The following CYYR1 variants were observed in gnomAD, a reference collection of about 807,000 sequenced individuals.
The protein encoded by CYYR1 is cysteine and tyrosine rich 1, also known as cysteine and tyrosine-rich protein 1.
In CYYR1, 14 loss-of-function variants were observed where a neutral mutation model predicts 15.2. The ratio of observed to expected loss-of-function variants is 0.92; its 90% CI spans 0.61 to 1.44. CYYR1 has a LOEUF of 1.44. Ranked by LOEUF, CYYR1 falls within the 40% of genes most tolerant of loss-of-function variation. The probability of loss-of-function intolerance (pLI) is 0.00; values close to 1 mark genes in which losing one functional copy is unlikely to be tolerated. For synonymous variants in CYYR1, 80 were observed against 77.4 expected, an observed-to-expected ratio of 1.03 and a Z score of -0.18; for missense variants, 228 against 209.5, an observed-to-expected ratio of 1.09 and a Z score of -0.54.
Position 26,573,149 on chromosome 21 carries a change from C to G in CYYR1, c.-209G>C, listed in dbSNP as rs996675405. On this transcript the variant is annotated 5_prime_UTR_variant, in exon 1 of 4. Transcript: ENST00000652641. ...CGGGACTCCGCGGAGCTGGGGCGCC[C>G]GTGGCCCGAGACGGGCTGCGCTGGG... is the stretch of plus-strand genomic sequence containing the variant. 6.7e-6 allele frequency: 10 copies of G among 1,489,768 alleles called. No homozygotes were observed. In the African/African-American group the frequency reaches 1.4e-4, roughly 21 times the overall value. 92.3% of individuals were successfully genotyped at this position (1,489,768 alleles called of 1,614,324 possible).
At position 26,468,007 on chromosome 21, in the gene CYYR1, A is replaced by G. The variant is rs1332646344; in HGVS notation, c.*494T>C. 1 of 170,450 alleles carries G rather than the reference A, an allele frequency of 5.9e-6. No individual in the cohort carries two copies. Among genetic ancestry groups the G allele is most frequent in the Non-Finnish European group, 1.3e-5 (1 of 78,094 alleles). The allele number at this position is 170,450 out of a possible 1,614,324, so 10.6% of individuals were successfully genotyped here. The stretch of plus-strand genomic sequence containing the variant: ...TGTAACTTCCATCAGGACCTCAAAC[A>G]GTGCTAGGCACATAGTAAACTCTTA... On this transcript the variant is annotated 3_prime_UTR_variant, in exon 4 of 4. Transcript: ENST00000652641.
At chr21:26,508,114 G>A (rs369590476) in intron 2 of CYYR1, among the ~76,000 whole-genome samples, 47 of 152,162 alleles carry the variant, frequency 3.1e-4, no homozygotes, top group East Asian at 7.7e-4. Context: ...GTTAGAGAAG[G>A]CAAGAAAATA....
At chr21:26,544,430 T>A (rs1287808334) in intron 2 of CYYR1, among the ~76,000 whole-genome samples, 2 of 152,236 alleles carry the variant, frequency 1.3e-5, no homozygotes, top group African/African-American at 4.8e-5. Flanking sequence ...GATTTTAGCA[T>A]ACTGACTCAT....
chr21:26,571,036 G>A (rs1200958220), intron 1 of CYYR1, among the ~76,000 whole-genome samples: 1 of 152,158 alleles, frequency 6.6e-6, no homozygotes, highest in East Asian at 1.9e-4. Context: ...CCAGCAGTAA[G>A]ACTTTCTTCT....
chr21:26,550,989 G>A (rs1979344807), intron 2 of CYYR1: 1 of 152,562 alleles, frequency 6.6e-6, no homozygotes, highest in African/African-American at 2.4e-5. Flanking sequence ...CAAAGAACAG[G>A]GTGACTCTCT....
chr21:26,484,381 T>C (rs777450080), intron 2 of CYYR1, among the ~76,000 whole-genome samples: 2 of 152,116 alleles, frequency 1.3e-5, no homozygotes, highest in Non-Finnish European at 2.9e-5. Flanking sequence ...CATACAAAAA[T>C]AGAATGCCAT....
chr21:26,471,173 C>T (rs1285202448), intron 3 of CYYR1: 3 of 152,210 alleles, frequency 2.0e-5, no homozygotes, highest in Non-Finnish European at 2.9e-5. Context: ...TTATAACAAA[C>T]TTCATCCAAG....
At chr21:26,512,351 A>C (rs2065660013) in intron 2 of CYYR1, among the ~76,000 whole-genome samples, 1 of 151,906 alleles carries the variant, frequency 6.6e-6, no homozygotes. Context: ...GGCGCATGCC[A>C]CCATGCCTGG....
chr21:26,482,448 A>C, intron 2 of CYYR1: 1 of 985,296 alleles, frequency 1.0e-6, no homozygotes, highest in African/African-American at 1.7e-5. Flanking sequence ...ACAGCAACTA[A>C]GACTACTGGT....
At chr21:26,550,933 G>A (rs2123683881) in intron 2 of CYYR1, 1 of 152,612 alleles carries the variant, frequency 6.6e-6, no homozygotes, top group African/African-American at 2.4e-5. Context: ...CACCATCTAG[G>A]ACTTTCATAG....
At chr21:26,540,909 T>C (rs1357551959) in intron 2 of CYYR1, among the ~76,000 whole-genome samples, 2 of 152,102 alleles carry the variant, frequency 1.3e-5, no homozygotes, top group Non-Finnish European at 2.9e-5. Context: ...TTGTGATGAA[T>C]GGATATACAG....
At chr21:26,481,261 T>C (rs2065176564) in intron 2 of CYYR1, among the ~76,000 whole-genome samples, 1 of 152,102 alleles carries the variant, frequency 6.6e-6, no homozygotes, top group African/African-American at 2.4e-5. Flanking sequence ...TAAGGAAATG[T>C]AGCACATAAG....
rs902186851 is a variant in CYYR1 at position 26,468,214 on chromosome 21, A to T, written c.*287T>A. 1 of 399,984 alleles carries T rather than the reference A, an allele frequency of 2.5e-6. No homozygotes were observed. The highest frequency in any genetic ancestry group is 3.8e-5 in the Admixed American group (1 of 26,402). The allele number at this position is 399,984 out of a possible 1,614,324, so 24.8% of individuals were successfully genotyped here. A position where few individuals can be genotyped will look rare whatever the true frequency, so the allele number is the denominator to read the frequency against. ...CTTCACCTAGCCCTTAAACAACATG[A>T]TTATCAGATATTTTGTCAATTACAT... On this transcript the variant is annotated 3_prime_UTR_variant, in exon 4 of 4. Coordinates refer to ENST00000652641, the MANE Select transcript of CYYR1 (RefSeq NM_001320768.2).
intron 2 of CYYR1, among the ~76,000 whole-genome samples, chr21:26,499,110 G>A (rs757773876): frequency 3.3e-5 from 5 of 152,174 alleles, no homozygotes; most frequent in Non-Finnish European, 7.3e-5. Context: ...ACTGATGTGA[G>A]GAAAGGAATG....
chr21:26,534,244 T>C (rs904950354), intron 2 of CYYR1, among the ~76,000 whole-genome samples: 2 of 152,224 alleles, frequency 1.3e-5, no homozygotes, highest in African/African-American at 4.8e-5. Flanking sequence ...ACTTGCATTT[T>C]ATTTGCGTAA....
chr21:26,510,348 G>A (rs905366965), intron 2 of CYYR1, among the ~76,000 whole-genome samples: 2 of 152,182 alleles, frequency 1.3e-5, no homozygotes, highest in Admixed American at 6.5e-5. Context: ...AGACCTGCTG[G>A]CTTAACAGCT....
chr21:26,573,212 C>A lies in CYYR1; in HGVS notation c.-272G>T. 7.0e-7 allele frequency: 1 copy of A among 1,431,168 alleles called. No individual in the cohort carries two copies. Among genetic ancestry groups the A allele is most frequent in the Non-Finnish European group, 9.2e-7 (1 of 1,085,080 alleles). The allele number at this position is 1,431,168 out of a possible 1,614,324, so 88.7% of individuals were successfully genotyped here. A position where few individuals can be genotyped will look rare whatever the true frequency, so the allele number is the denominator to read the frequency against. On this transcript the variant is annotated 5_prime_UTR_variant, in exon 1 of 4. Coordinates refer to ENST00000652641, the MANE Select transcript of CYYR1 (RefSeq NM_001320768.2). ...TTTGTCTCGCCCCACTGCGCTCAGG[C>A]GCGGGGAAGGCGGCCACTCCGGCGT...
intron 2 of CYYR1, among the ~76,000 whole-genome samples, chr21:26,504,763 A>G (rs1284671289): frequency 1.3e-5 from 2 of 151,992 alleles, no homozygotes; most frequent in African/African-American, 4.8e-5. Context: ...CATTCTTTCT[A>G]TTGTTTTGTA....
At chr21:26,506,693 C>A (rs1047046411) in intron 2 of CYYR1, 1 of 152,134 alleles carries the variant, frequency 6.6e-6, no homozygotes, top group African/African-American at 2.4e-5. Flanking sequence ...GACCCAGGTG[C>A]CCATTCTGTG....
Sources: allele counts gnomAD v4.1 joint callset (sites outside exome capture counted in the v4.1 genomes callset), GRCh38; gene constraint gnomAD v4.1.1; transcripts MANE v1.5; gene names NCBI Gene and HGNC (gene_info 2026-07-23, HGNC 2026-07-21).